MAST4: variants seen among roughly 807,000 people sequenced by gnomAD.
MAST4 encodes microtubule-associated serine/threonine-protein kinase 4.
Under a neutral mutation model 162.7 loss-of-function variants are expected in MAST4, and 89 were observed. The ratio of observed to expected loss-of-function variants is 0.55; its 90% CI spans 0.46 to 0.65. MAST4 has a LOEUF of 0.65. Among genes scored for constraint, MAST4 ranks in the 30% least tolerant of loss-of-function variants. The pLI, the probability that MAST4 is intolerant of heterozygous loss-of-function variation, is 0.00. For synonymous variants in MAST4, 1,479 were observed against 1,361.1 expected (o/e 1.09, Z -1.91); for missense variants, 3,153 against 3,374.0 (o/e 0.93, Z 1.62).
At chr5:67,127,740 G>A (rs1034945536) in intron 14 of MAST4, among the ~76,000 whole-genome samples, 6 of 152,064 alleles carry the variant, frequency 3.9e-5, no homozygotes, top group African/African-American at 1.4e-4. Flanking sequence ...ATTCTTGATA[G>A]TATCTCATCA....
intron 3 of MAST4, among the ~76,000 whole-genome samples, chr5:66,855,343 C>G (rs1759602287): frequency 6.6e-6 from 1 of 152,220 alleles, no homozygotes; most frequent in South Asian, 2.1e-4. Flanking sequence ...GAGGCTTCCC[C>G]AGAAGCTGAG....
intron 4 of MAST4, among the ~76,000 whole-genome samples, chr5:67,035,679 A>G (rs1178728795): frequency 1.3e-5 from 2 of 152,154 alleles, no homozygotes; most frequent in Admixed American, 6.6e-5. Context: ...GCACTTACAC[A>G]GTAAGCCTGG....
chr5:66,751,425 T>G (rs1213794096), intron 1 of MAST4, among the ~76,000 whole-genome samples: 3 of 152,018 alleles, frequency 2.0e-5, no homozygotes, highest in African/African-American at 7.3e-5. Context: ...ATAACTAGAA[T>G]AACCAATACA....
At chr5:67,040,897 G>T (rs936630222) in intron 4 of MAST4, among the ~76,000 whole-genome samples, 1 of 152,158 alleles carries the variant, frequency 6.6e-6, no homozygotes, top group African/African-American at 2.4e-5. Context: ...TTTAGATCCC[G>T]GTTCTCCCAC....
At position 66,997,323 on chromosome 5, in the gene MAST4, G is replaced by A. The variant is rs147702400; in HGVS notation, c.675-57081G>A. Among the ~76,000 whole-genome samples, 647 of 151,996 alleles carry A rather than the reference G, an allele frequency of 4.3e-3. 1 individual carries two copies. Among genetic ancestry groups the A allele is most frequent in the Non-Finnish European group, 7.0e-3 (477 of 67,972 alleles). The stretch of plus-strand genomic sequence containing the variant: ...AATTGCCTTCCAGAAAGTTAGTAGA[G>A]AGTACTTATCTTCCCCATGTCCTTA... On this transcript the variant is annotated intron_variant, in intron 4 of 28. Transcript: ENST00000403625.
At chr5:67,136,905 AGCAGAAATT>A (rs1769723428) in intron 19 of MAST4, among the ~76,000 whole-genome samples, 1 of 152,246 alleles carries the variant, frequency 6.6e-6, no homozygotes, top group African/African-American at 2.4e-5. Flanking sequence ...TGTTTGGCAA[AGCAGAAATT>A]ATGCTTAATT....
chr5:67,164,267 G>A lies in MAST4; in HGVS notation c.5088G>A (p.Glu1696=), dbSNP rs962562368. 6.2e-7 allele frequency: 1 copy of A among 1,614,010 alleles called. No homozygotes were observed. Among genetic ancestry groups the A allele is most frequent in the Non-Finnish European group, 8.5e-7 (1 of 1,179,876 alleles). The change falls in exon 29 of 29, where the codon GAG becomes GAA. Residue 1696 remains glutamate (E), a synonymous_variant. Coordinates refer to ENST00000403625, the MANE Select transcript of MAST4 (RefSeq NM_001164664.2). This position sits in a 1 kb window ranked among gnomAD's most constrained non-coding sequence, Gnocchi z 5.3. ...IDYLRKKMSL[E]DKEDNLCPVL... is the part of the protein sequence containing the mutation. Reference sequence around the variant, plus strand: ...ACCTCCGAAAGAAAATGTCACTTGAGGACAAAGAGGACAACCTCTGCCCTG... The same window carrying A: ...ACCTCCGAAAGAAAATGTCACTTGAAGACAAAGAGGACAACCTCTGCCCTG...
At chr5:66,782,304 AAG>A (rs1754913077) in intron 2 of MAST4, among the ~76,000 whole-genome samples, 1 of 151,648 alleles carries the variant, frequency 6.6e-6, no homozygotes, top group Non-Finnish European at 1.5e-5. Flanking sequence ...AAAAAAAAAA[AAG>A]AAAACACATT....
At chr5:66,815,512 G>A (rs1756675104) in intron 3 of MAST4, among the ~76,000 whole-genome samples, 1 of 152,284 alleles carries the variant, frequency 6.6e-6, no homozygotes, top group Non-Finnish European at 1.5e-5. Context: ...ATGGGGCTTG[G>A]TACTATCTGT....
At chr5:66,679,849 C>T (rs896378411) in intron 1 of MAST4, among the ~76,000 whole-genome samples, 1 of 152,112 alleles carries the variant, frequency 6.6e-6, no homozygotes, top group South Asian at 2.1e-4. Context: ...GACCACTGCC[C>T]CTGGCCTGAT....
At chr5:66,845,083 C>T (rs1462559231) in intron 3 of MAST4, among the ~76,000 whole-genome samples, 37 of 43,398 alleles carry the variant, frequency 8.5e-4, no homozygotes, top group Non-Finnish European at 4.8e-4. Context: ...GGTCACTAAT[C>T]TTTATATATA....
At chr5:67,092,589 A>G (rs1763991119) in intron 6 of MAST4, among the ~76,000 whole-genome samples, 2 of 152,078 alleles carry the variant, frequency 1.3e-5, no homozygotes, top group South Asian at 4.1e-4. Flanking sequence ...GGTTAAAAAT[A>G]CTCTCGTGCC....
chr5:66,647,025 A>T (rs1049375127), intron 1 of MAST4, among the ~76,000 whole-genome samples: 1 of 152,174 alleles, frequency 6.6e-6, no homozygotes. Context: ...TTCCAAATGT[A>T]ATATAACATC....
rs2151126832 is a variant in MAST4, at chr5:67,163,698, C to G, written c.4519C>G (p.Gln1507Glu). ...PPLSRARPVE[Q>E]GCLKRPVSRK... ...GCTCAGCCGCGCCCGGCCAGTGGAGCAAGGCTGCCTGAAACGCCCAGTCTC... is the reference window on the plus strand; with the variant it reads ...GCTCAGCCGCGCCCGGCCAGTGGAGGAAGGCTGCCTGAAACGCCCAGTCTC... The change falls in exon 29 of 29, where the codon CAA becomes GAA. Residue 1507 changes from glutamine (Q) to glutamate (E), a missense_variant. Coordinates refer to ENST00000403625, the MANE Select transcript of MAST4 (RefSeq NM_001164664.2). The surrounding 1 kb of genome is among the most constrained non-coding windows in gnomAD (Gnocchi z 7.0). 3 of 1,609,510 alleles carry G rather than the reference C, an allele frequency of 1.9e-6. No homozygotes were observed. The East Asian group carries it at 6.7e-5, about 36-fold the overall frequency.
chr5:66,913,942 CTGTGTATT>C (rs750877115), intron 4 of MAST4, among the ~76,000 whole-genome samples: 9 of 152,048 alleles, frequency 5.9e-5, no homozygotes, highest in Non-Finnish European at 1.2e-4. Context: ...AATTAGTTGT[CTGTGTATT>C]TGTGTTTCCA....
At chr5:66,774,835 C>T (rs1332906318) in intron 2 of MAST4, among the ~76,000 whole-genome samples, 1 of 152,140 alleles carries the variant, frequency 6.6e-6, no homozygotes, top group African/African-American at 2.4e-5. Context: ...AGGTATGCAT[C>T]CTGTATTTTT....
At chr5:66,627,646 CT>C (rs1241918051) in intron 1 of MAST4, among the ~76,000 whole-genome samples, 1 of 152,042 alleles carries the variant, frequency 6.6e-6, no homozygotes, top group African/African-American at 2.4e-5. Flanking sequence ...CATCTTTCTT[CT>C]AACCATTTAT....
At chr5:66,767,171 G>A (rs1327174414) in intron 2 of MAST4, among the ~76,000 whole-genome samples, 87 of 7,890 alleles carry the variant, frequency 0.011, no homozygotes, top group African/African-American at 0.022. Flanking sequence ...TAAAGTGCAC[G>A]TGTGTGTGTG....
At chr5:67,000,435 G>T (rs1751148648) in intron 4 of MAST4, among the ~76,000 whole-genome samples, 1 of 152,140 alleles carries the variant, frequency 6.6e-6, no homozygotes, top group Non-Finnish European at 1.5e-5. Flanking sequence ...GTTCTACGTG[G>T]ACTGGAGAAA....
Sources: allele counts gnomAD v4.1 joint callset (sites outside exome capture counted in the v4.1 genomes callset), GRCh38; gene constraint gnomAD v4.1.1; non-coding constraint Gnocchi (gnomAD v3.1); transcripts MANE v1.5; gene names NCBI Gene and HGNC (gene_info 2026-07-23, HGNC 2026-07-21).